The following GNAQ variants were observed in gnomAD, a reference collection of about 807,000 sequenced individuals.
GNAQ encodes the protein G protein subunit alpha q.
A neutral mutation model predicts 43.9 loss-of-function variants in GNAQ; 8 were observed. The observed-to-expected ratio is 0.18, with a 90% CI of 0.11 to 0.33. The LOEUF is 0.33. Ranked by LOEUF, GNAQ falls within the 10% of genes least tolerant of loss-of-function variation. GNAQ has a pLI of 1.00. For synonymous variants in GNAQ, 155 were observed against 170.7 expected (o/e 0.91, Z 0.71); for missense variants, 158 against 450.8 (o/e 0.35, Z 5.88).
chr9:77,874,082 C>G (rs1587379179), intron 2 of GNAQ, among the ~76,000 whole-genome samples: 1 of 132,616 alleles, frequency 7.5e-6, no homozygotes, highest in African/African-American at 2.9e-5. Flanking sequence ...TCCACCTGGG[C>G]AACAAGAGCG....
intron 3 of GNAQ, among the ~76,000 whole-genome samples, chr9:77,808,338 G>A (rs527980692): frequency 4.1e-4 from 62 of 150,906 alleles, no homozygotes; most frequent in African/African-American, 1.3e-3. Context: ...AGCATTCACC[G>A]AGGAAGACAA....
rs142727418 is a variant in GNAQ, at chr9:77,801,794, T to G, written c.477-4146A>C. The stretch of plus-strand genomic sequence containing the variant: ...CTAAACAAAAGACATACAAACTATT[T>G]GCTCCTAGAGTAAAATCTGGGAAGC... On this transcript the variant is annotated intron_variant, in intron 3 of 6. Transcript: ENST00000286548. Among the ~76,000 whole-genome samples the G allele has an allele frequency of 5.6e-3, 858 of 152,244 alleles. 1 individual carries two copies. Among genetic ancestry groups the G allele is most frequent in the African/African-American group, 0.02 (810 of 41,524 alleles).
intron 2 of GNAQ, among the ~76,000 whole-genome samples, chr9:77,854,800 C>T (rs1025633254): frequency 6.6e-6 from 1 of 152,146 alleles, no homozygotes; most frequent in Non-Finnish European, 1.5e-5. Context: ...GCATGCTATG[C>T]AGGACAATGG....
chr9:78,012,668 T>A (rs1049765193), intron 1 of GNAQ, among the ~76,000 whole-genome samples: 4 of 152,198 alleles, frequency 2.6e-5, no homozygotes, highest in African/African-American at 4.8e-5. Flanking sequence ...GATAAGCATT[T>A]AAACACAGAA....
At position 77,719,276 on chromosome 9, in the gene GNAQ, A is replaced by G. The variant is rs571801095; in HGVS notation, c.*2047T>C. On this transcript the variant is annotated 3_prime_UTR_variant, in exon 7 of 7. Coordinates refer to ENST00000286548, the MANE Select transcript of GNAQ (RefSeq NM_002072.5). ...CAATACAATTACATAGATACATATC[A>G]ATACAGCACATTCAATCTGCCAAAA... 5 of 232,700 alleles carry G rather than the reference A, an allele frequency of 2.1e-5. No homozygotes were observed. The South Asian group carries it at 9.1e-4, about 42-fold the overall frequency. The allele number at this position is 232,700 out of a possible 1,614,324, so 14.4% of individuals were successfully genotyped here.
chr9:77,794,865 C>T (rs1826633465), intron 4 of GNAQ, among the ~76,000 whole-genome samples: 1 of 152,078 alleles, frequency 6.6e-6, no homozygotes, highest in East Asian at 1.9e-4. Flanking sequence ...CTTATCTGTG[C>T]CAAGCAAAAT....
chr9:77,906,101 A>AT (rs1210873778), intron 2 of GNAQ, among the ~76,000 whole-genome samples: 5 of 152,164 alleles, frequency 3.3e-5, no homozygotes, highest in Non-Finnish European at 4.4e-5. Flanking sequence ...GTTAAAAAAA[A>AT]AATAATTTCT....
chr9:78,023,685 G>A (rs1217125021), intron 1 of GNAQ, among the ~76,000 whole-genome samples: 1 of 150,990 alleles, frequency 6.6e-6, no homozygotes, highest in Non-Finnish European at 1.5e-5. Context: ...ACATAAAAAA[G>A]AAACAAAAAA....
intron 1 of GNAQ, among the ~76,000 whole-genome samples, chr9:77,991,476 AT>A (rs1823506976): frequency 6.6e-6 from 1 of 152,152 alleles, no homozygotes; most frequent in Admixed American, 6.5e-5. Flanking sequence ...AGACTACGAG[AT>A]TGTCTTTTCT....
chr9:77,969,757 C>T (rs1015408247), intron 1 of GNAQ, among the ~76,000 whole-genome samples: 4 of 152,108 alleles, frequency 2.6e-5, no homozygotes, highest in African/African-American at 7.2e-5. Flanking sequence ...TATGTGAAGG[C>T]ATCAAATTCA....
intron 2 of GNAQ, among the ~76,000 whole-genome samples, chr9:77,860,392 C>T (rs1445041133): frequency 6.6e-6 from 1 of 152,168 alleles, no homozygotes; most frequent in South Asian, 2.1e-4. Flanking sequence ...CAAAAAAAGG[C>T]TGACTGCACT....
At chr9:77,833,451 C>T (rs562529148) in intron 2 of GNAQ, among the ~76,000 whole-genome samples, 69 of 152,298 alleles carry the variant, frequency 4.5e-4, no homozygotes, top group Admixed American at 1.4e-3. Flanking sequence ...GGCACTCAGT[C>T]ACTTTAGGAT....
intron 1 of GNAQ, among the ~76,000 whole-genome samples, chr9:77,980,986 A>G (rs901052477): frequency 6.6e-6 from 1 of 152,212 alleles, no homozygotes; most frequent in African/African-American, 2.4e-5. Flanking sequence ...TAAACCTACA[A>G]TGATTTCTAT....
intron 3 of GNAQ, among the ~76,000 whole-genome samples, chr9:77,815,093 A>G (rs1157013584): frequency 1.3e-5 from 2 of 152,206 alleles, no homozygotes; most frequent in African/African-American, 4.8e-5. Flanking sequence ...ACGCAAAGGA[A>G]AACCTATCCA....
chr9:78,010,678 A>C (rs1823763164), intron 1 of GNAQ, among the ~76,000 whole-genome samples: 1 of 152,172 alleles, frequency 6.6e-6, no homozygotes, highest in Non-Finnish European at 1.5e-5. Context: ...GATGAACAAG[A>C]AGAAAAAAAA....
intron 2 of GNAQ, among the ~76,000 whole-genome samples, chr9:77,825,097 T>C (rs1587933734): frequency 6.6e-6 from 1 of 152,218 alleles, no homozygotes; most frequent in Non-Finnish European, 1.5e-5. Context: ...ATGGCTACAA[T>C]GGTGAATGTT....
chr9:77,945,563 C>A (rs1027398352), intron 1 of GNAQ, among the ~76,000 whole-genome samples: 1 of 152,042 alleles, frequency 6.6e-6, no homozygotes, highest in Non-Finnish European at 1.5e-5. Flanking sequence ...TGCTTAATTA[C>A]CTAGGTTAGA....
At chr9:77,887,456 T>G (rs1423293111) in intron 2 of GNAQ, among the ~76,000 whole-genome samples, 2 of 152,244 alleles carry the variant, frequency 1.3e-5, no homozygotes, top group African/African-American at 4.8e-5. Context: ...CCCAGCCTAT[T>G]AGGCTTGCTT....
chr9:77,823,548 G>T (rs935422553), intron 2 of GNAQ, among the ~76,000 whole-genome samples: 4 of 152,124 alleles, frequency 2.6e-5, no homozygotes, highest in East Asian at 1.9e-4. Context: ...AATTTATGAA[G>T]AAAAGAGGTT....
Sources: allele counts gnomAD v4.1 joint callset (sites outside exome capture counted in the v4.1 genomes callset), GRCh38; gene constraint gnomAD v4.1.1; transcripts MANE v1.5; gene names NCBI Gene and HGNC (gene_info 2026-07-23, HGNC 2026-07-21).